Variants in CTNND2 observed in about 807,000 individuals in gnomAD.
The protein encoded by CTNND2 is catenin delta 2.
Under a neutral mutation model 144.4 loss-of-function variants are expected in CTNND2, and 22 were observed. The ratio of observed to expected loss-of-function variants is 0.15; its 90% CI spans 0.11 to 0.22. The LOEUF (loss-of-function observed/expected upper bound fraction) is 0.22. Among genes scored for constraint, CTNND2 ranks in the 10% least tolerant of loss-of-function variants. The pLI is 1.00. For missense variants in CTNND2, 1,353 were observed against 1,618.8 expected (o/e 0.84, Z 2.82); for synonymous variants, 751 against 695.6 (o/e 1.08, Z -1.25).
intron 14 of CTNND2, among the ~76,000 whole-genome samples, chr5:11,109,523 G>C (rs1411605991): frequency 1.3e-5 from 2 of 152,160 alleles, no homozygotes; most frequent in South Asian, 4.1e-4. Flanking sequence ...AGTTCTAGAG[G>C]CCATCATTAA....
Position 11,828,994 on chromosome 5 carries a change from CTTG to C in CTNND2, c.37+74820_37+74822del, listed in dbSNP as rs567648003. The stretch of plus-strand genomic sequence containing the variant: ...GTTGGGAACTGAAGCAAAGGTGACA[CTTG>C]TTATGTTTTAGAAGAGACTGGTGGC... On this transcript the variant is annotated intron_variant, in intron 1 of 21. Transcript: ENST00000304623. 1.3e-4 allele frequency among the ~76,000 whole-genome samples: 20 copies of C among 152,192 alleles called. No homozygotes were observed. In the South Asian group the frequency reaches 3.9e-3, roughly 30 times the overall value.
chr5:11,184,862 A>T (rs1560987521), intron 11 of CTNND2, among the ~76,000 whole-genome samples: 1 of 152,198 alleles, frequency 6.6e-6, no homozygotes, highest in Non-Finnish European at 1.5e-5. Context: ...TTAAAAGGCA[A>T]ATATGGATGG....
Position 11,697,321 on chromosome 5 carries a change from C to T in CTNND2, c.174+34815G>A, listed in dbSNP as rs185798552. Reference sequence around the variant, plus strand: ...AGTATATAAAAGTTGGATCTCAATTCACAGTTCTTCCATAAAACACTTACT... The same window carrying T: ...AGTATATAAAAGTTGGATCTCAATTTACAGTTCTTCCATAAAACACTTACT... On this transcript the variant is annotated intron_variant, in intron 2 of 21. Coordinates refer to ENST00000304623, the MANE Select transcript of CTNND2 (RefSeq NM_001332.4). Among the ~76,000 whole-genome samples the T allele has an allele frequency of 4.6e-5, 7 of 152,288 alleles. No homozygotes were observed. The East Asian group carries it at 1.4e-3, about 29-fold the overall frequency.
intron 2 of CTNND2, among the ~76,000 whole-genome samples, chr5:11,583,920 C>A (rs1319710842): frequency 2.6e-5 from 4 of 152,212 alleles, no homozygotes; most frequent in African/African-American, 9.7e-5. Context: ...TCTACAGACA[C>A]AGCCTCACAA....
At chr5:11,150,297 C>A (rs866391392) in intron 12 of CTNND2, among the ~76,000 whole-genome samples, 6 of 152,160 alleles carry the variant, frequency 3.9e-5, no homozygotes, top group South Asian at 4.1e-4. Flanking sequence ...TGTCAAACAT[C>A]CCTGAGTAAA....
chr5:11,237,384 GATCA>G (rs1741770898), intron 9 of CTNND2, among the ~76,000 whole-genome samples: 1 of 152,160 alleles, frequency 6.6e-6, no homozygotes, highest in Non-Finnish European at 1.5e-5. Context: ...TATATATACA[GATCA>G]ATCTATCAAC....
intron 1 of CTNND2, among the ~76,000 whole-genome samples, chr5:11,780,885 G>T (rs1243695308): frequency 6.6e-6 from 1 of 152,190 alleles, no homozygotes; most frequent in African/African-American, 2.4e-5. Flanking sequence ...ACTGCAAGCT[G>T]GCCAGTGATG....
rs114530066 is a variant in CTNND2, at chr5:11,292,287, G to A, written c.1628+54085C>T. ...GGCCCTTTTTGGACACAGGGCCGTAGTAGATGTATTTAGTTAAGATGAGGT... is the reference window on the plus strand; with the variant it reads ...GGCCCTTTTTGGACACAGGGCCGTAATAGATGTATTTAGTTAAGATGAGGT... On this transcript the variant is annotated intron_variant, in intron 9 of 21. Transcript: ENST00000304623. 8.1e-3 allele frequency among the ~76,000 whole-genome samples: 1,238 copies of A among 152,232 alleles called. 8 individuals carry two copies. The highest frequency in any genetic ancestry group is 0.014 in the Non-Finnish European group (935 of 68,012).
At chr5:11,487,604 C>T (rs931707380) in intron 3 of CTNND2, among the ~76,000 whole-genome samples, 8 of 152,090 alleles carry the variant, frequency 5.3e-5, no homozygotes, top group Admixed American at 2.0e-4. Context: ...TTTCCAGGGA[C>T]GCTGTGAGTC....
intron 3 of CTNND2, among the ~76,000 whole-genome samples, chr5:11,472,019 T>G (rs953149754): frequency 2.6e-5 from 4 of 152,228 alleles, no homozygotes; most frequent in African/African-American, 7.2e-5. Flanking sequence ...AAGCGAACAC[T>G]GTCATATTCA....
intron 16 of CTNND2, among the ~76,000 whole-genome samples, chr5:11,074,838 A>G (rs1486977416): frequency 1.3e-5 from 2 of 152,174 alleles, no homozygotes; most frequent in Non-Finnish European, 2.9e-5. Context: ...ATCACCAGGA[A>G]TCTTTGTCCG....
intron 10 of CTNND2, among the ~76,000 whole-genome samples, chr5:11,216,878 A>T (rs1192121604): frequency 1.3e-5 from 2 of 152,300 alleles, no homozygotes; most frequent in Non-Finnish European, 2.9e-5. Context: ...AGGAGGTTGT[A>T]ACCAATAGAT....
chr5:11,255,133 C>T (rs560119190), intron 9 of CTNND2, among the ~76,000 whole-genome samples: 1 of 152,252 alleles, frequency 6.6e-6, no homozygotes, highest in Non-Finnish European at 1.5e-5. Context: ...CAAGTCTTTA[C>T]AACACACGAG....
intron 8 of CTNND2, among the ~76,000 whole-genome samples, chr5:11,348,437 C>CAAAAAAAAAA (rs3034056): frequency 2.6e-5 from 3 of 114,716 alleles, no homozygotes; most frequent in Admixed American, 9.2e-5. Context: ...AAATCAAGGG[C>CAAAAAAAAAA]AAAAAAAAAA....
Position 11,760,925 on chromosome 5 carries a change from T to C in CTNND2, c.38-28653A>G, listed in dbSNP as rs73045169. On this transcript the variant is annotated intron_variant, in intron 1 of 21. Transcript: ENST00000304623. ...AATGAACGAATGAACAGTAAGTGAA[T>C]TGATCACGTTTAACCTATTCTGCCT... Among the ~76,000 whole-genome samples, 995 of 152,326 alleles carry C rather than the reference T, an allele frequency of 6.5e-3. 13 individuals are homozygous for C. Among genetic ancestry groups the C allele is most frequent in the African/African-American group, 0.022 (920 of 41,580 alleles).
At chr5:11,164,622 C>G (rs928203501) in intron 11 of CTNND2, among the ~76,000 whole-genome samples, 1 of 152,190 alleles carries the variant, frequency 6.6e-6, no homozygotes, top group African/African-American at 2.4e-5. Context: ...CTTGAACACA[C>G]AAGCTCCTTT....
chr5:11,277,217 A>G (rs1580775874), intron 9 of CTNND2, among the ~76,000 whole-genome samples: 1 of 152,268 alleles, frequency 6.6e-6, no homozygotes, highest in South Asian at 2.1e-4. Flanking sequence ...ATACAACTCA[A>G]TAGAAGTTTT....
At chr5:11,504,080 T>G (rs1243582001) in intron 3 of CTNND2, among the ~76,000 whole-genome samples, 1 of 152,242 alleles carries the variant, frequency 6.6e-6, no homozygotes, top group African/African-American at 2.4e-5. Flanking sequence ...TCATTATATT[T>G]ATCACCGACA....
At chr5:11,341,860 C>T (rs890861522) in intron 9 of CTNND2, among the ~76,000 whole-genome samples, 2 of 151,922 alleles carry the variant, frequency 1.3e-5, no homozygotes, top group Non-Finnish European at 2.9e-5. Context: ...ATAATAAAAA[C>T]AATTTAACCA....
Sources: allele counts gnomAD v4.1 joint callset (sites outside exome capture counted in the v4.1 genomes callset), GRCh38; gene constraint gnomAD v4.1.1; transcripts MANE v1.5; gene names NCBI Gene and HGNC (gene_info 2026-07-23, HGNC 2026-07-21).